Variants in UGT1A10 observed in about 807,000 individuals in gnomAD.
UGT1A10 encodes UDP-glucuronosyltransferase 1A10.
In UGT1A10, 49 loss-of-function variants were observed where a neutral mutation model predicts 45.8. That is an observed-to-expected ratio of 1.07 (90% CI 0.85 to 1.36). The LOEUF is 1.36. UGT1A10 is among the 40% of genes most tolerant of loss of function. The pLI, the probability that UGT1A10 is intolerant of heterozygous loss-of-function variation, is 0.00. For missense variants in UGT1A10, 745 were observed against 668.6 expected (o/e 1.11, Z -1.26); for synonymous variants, 284 against 249.7 (o/e 1.14, Z -1.29).
chr2:233,687,775 A>G (rs28899168), intron 1 of UGT1A10, among the ~76,000 whole-genome samples: 4,205 of 152,038 alleles, frequency 0.028, 175 homozygotes, highest in African/African-American at 0.095. Context: ...GCCTGGTGGC[A>G]TATGCCTGTG....
chr2:233,659,351 T>C (rs1393410566), intron 1 of UGT1A10, among the ~76,000 whole-genome samples: 1 of 152,164 alleles, frequency 6.6e-6, no homozygotes, highest in Non-Finnish European at 1.5e-5. Flanking sequence ...ACCAATAACG[T>C]AAATAGCCAA....
chr2:233,672,981 T>A (rs1290913607), intron 1 of UGT1A10, among the ~76,000 whole-genome samples: 2 of 152,214 alleles, frequency 1.3e-5, no homozygotes, highest in Non-Finnish European at 2.9e-5. Context: ...CTTGAAGATA[T>A]GTATTTATAA....
intron 1 of UGT1A10, chr2:233,692,968 A>G: frequency 6.2e-7 from 1 of 1,609,996 alleles, no homozygotes; most frequent in Non-Finnish European, 8.5e-7. Flanking sequence ...GAGAGTGAAA[A>G]CTCTTTATTA....
rs375974892 is a variant in UGT1A10 at position 233,760,864 on chromosome 2, G to A, written c.856-6170G>A. The A allele has an allele frequency of 8.0e-5, 129 of 1,613,862 alleles. No individual in the cohort carries two copies. Among genetic ancestry groups the A allele is most frequent in the Non-Finnish European group, 9.2e-5 (109 of 1,179,976 alleles). ...CCAGTGCCCCAACCCATTCTCCTAC[G>A]TGCCCAGGCCTCTCTCCTCTCATTC... is the stretch of plus-strand genomic sequence containing the variant. On this transcript the variant is annotated intron_variant, in intron 1 of 4. Coordinates refer to ENST00000344644, the MANE Select transcript of UGT1A10 (RefSeq NM_019075.4).
chr2:233,712,724 C>G (rs1378795818), intron 1 of UGT1A10, among the ~76,000 whole-genome samples: 3 of 151,202 alleles, frequency 2.0e-5, no homozygotes, highest in Non-Finnish European at 1.5e-5. Context: ...GAATGAGAAA[C>G]AAGAGCTTGA....
At chr2:233,738,451 G>A (rs1425081316) in intron 1 of UGT1A10, among the ~76,000 whole-genome samples, 1 of 152,222 alleles carries the variant, frequency 6.6e-6, no homozygotes, top group Non-Finnish European at 1.5e-5. Context: ...AAGACAGGAA[G>A]ATGTGGGAAA....
chr2:233,696,120 A>T (rs1261804081), intron 1 of UGT1A10, among the ~76,000 whole-genome samples: 1 of 152,186 alleles, frequency 6.6e-6, no homozygotes, highest in Non-Finnish European at 1.5e-5. Context: ...AAAGAACTAG[A>T]ACTGCCCCAA....
chr2:233,676,020 C>A (rs1046214466), intron 1 of UGT1A10, among the ~76,000 whole-genome samples: 4 of 152,150 alleles, frequency 2.6e-5, no homozygotes, highest in Non-Finnish European at 5.9e-5. Flanking sequence ...CAGAAATAAA[C>A]CCATACATAT....
chr2:233,685,436 G>A (rs2074738405), intron 1 of UGT1A10, among the ~76,000 whole-genome samples: 2 of 151,396 alleles, frequency 1.3e-5, no homozygotes, highest in African/African-American at 2.4e-5. Context: ...TAAAGAATTC[G>A]AGCTGAATCT....
Position 233,767,048 on chromosome 2 carries a change from C to T in UGT1A10, c.870C>T (p.Tyr290=), listed in dbSNP as rs1206098754. Residue 290 remains tyrosine (Y), a synonymous_variant, in exon 2 of 5, where the codon TAC becomes TAT. Transcript: ENST00000344644. ...TCTGGCTCTAGGAATTTGAAGCCTACATTAATGCTTCTGGAGAACATGGAA... is the reference window on the plus strand; with the variant it reads ...TCTGGCTCTAGGAATTTGAAGCCTATATTAATGCTTCTGGAGAACATGGAA... ...GKPLPMEFEA[Y]INASGEHGIV... 1.9e-6 allele frequency: 3 copies of T among 1,614,068 alleles called. No homozygotes were observed. Among genetic ancestry groups the T allele is most frequent in the Admixed American group, 3.3e-5 (2 of 60,010 alleles).
chr2:233,717,023 A>G (rs1412989912), intron 1 of UGT1A10, among the ~76,000 whole-genome samples: 5 of 152,160 alleles, frequency 3.3e-5, no homozygotes, highest in Admixed American at 6.5e-5. Flanking sequence ...AGGCACCACC[A>G]TCTTCCAAGA....
chr2:233,664,468 AG>A (rs2074035047), intron 1 of UGT1A10, among the ~76,000 whole-genome samples: 1 of 152,212 alleles, frequency 6.6e-6, no homozygotes, highest in South Asian at 2.1e-4. Context: ...TATAAATAAA[AG>A]AGGTTTAATT....
intron 1 of UGT1A10, among the ~76,000 whole-genome samples, chr2:233,725,693 A>G (rs2077467209): frequency 1.3e-5 from 2 of 152,246 alleles, no homozygotes; most frequent in African/African-American, 2.4e-5. Flanking sequence ...CTCAATAGTC[A>G]TATGTAGTTA....
chr2:233,756,838 A>G (rs967837640), intron 1 of UGT1A10, among the ~76,000 whole-genome samples: 1 of 152,148 alleles, frequency 6.6e-6, no homozygotes, highest in African/African-American at 2.4e-5. Context: ...ATGATTAACC[A>G]AAGAACATTC....
intron 1 of UGT1A10, among the ~76,000 whole-genome samples, chr2:233,705,905 T>G (rs1056214511): frequency 3.3e-5 from 5 of 152,030 alleles, no homozygotes; most frequent in Admixed American, 3.3e-4. Flanking sequence ...CTGGCCAAAA[T>G]AGTGAAACTC....
At chr2:233,711,093 T>G (rs1463898201) in intron 1 of UGT1A10, among the ~76,000 whole-genome samples, 1 of 152,198 alleles carries the variant, frequency 6.6e-6, no homozygotes, top group African/African-American at 2.4e-5. Context: ...AGTCTATCTG[T>G]GCAGCCCAGA....
At chr2:233,682,095 A>C (rs2074557589) in intron 1 of UGT1A10, 2 of 1,614,146 alleles carry the variant, frequency 1.2e-6, no homozygotes, top group Non-Finnish European at 8.5e-7. Flanking sequence ...CTCAGGGGGC[A>C]TGAGGTGGTC....
intron 1 of UGT1A10, chr2:233,713,425 C>A (rs748267657): frequency 6.2e-7 from 1 of 1,614,122 alleles, no homozygotes; most frequent in Non-Finnish European, 8.5e-7. Context: ...CATGCTACTT[C>A]CTTTGATGTG....
intron 1 of UGT1A10, chr2:233,713,068 C>T (rs2076275165): frequency 6.2e-7 from 1 of 1,614,140 alleles, no homozygotes; most frequent in South Asian, 1.1e-5. Flanking sequence ...CAGCCCTGGG[C>T]TGAGAGTGGG....
Sources: allele counts gnomAD v4.1 joint callset (sites outside exome capture counted in the v4.1 genomes callset), GRCh38; gene constraint gnomAD v4.1.1; transcripts MANE v1.5; gene names NCBI Gene and HGNC (gene_info 2026-07-23, HGNC 2026-07-21).